HPSE2: variants seen among roughly 807,000 people sequenced by gnomAD.
The protein encoded by HPSE2 is heparanase 2 (inactive), also known as inactive heparanase-2.
HPSE2 carries 38 observed loss-of-function variants against 60.5 expected under a neutral mutation model. The ratio of observed to expected loss-of-function variants is 0.63; its 90% confidence interval spans 0.48 to 0.82. The LOEUF is 0.82. Among genes scored for constraint, HPSE2 ranks in the 40% least tolerant of loss-of-function variants. The pLI is 0.00. For missense variants in HPSE2, 713 were observed against 740.4 expected (o/e 0.96, Z 0.43); for synonymous variants, 295 against 293.2 (o/e 1.01, Z -0.06).
chr10:98,875,028 A>G (rs1381542802), intron 3 of HPSE2, among the ~76,000 whole-genome samples: 1 of 151,976 alleles, frequency 6.6e-6, no homozygotes, highest in African/African-American at 2.4e-5. Flanking sequence ...TTTATTGAGG[A>G]TTTTCACACT....
At chr10:99,134,722 A>G (rs1035812778) in intron 3 of HPSE2, among the ~76,000 whole-genome samples, 2 of 152,224 alleles carry the variant, frequency 1.3e-5, no homozygotes, top group African/African-American at 4.8e-5. Context: ...TGAAGGAAAC[A>G]CTAAATCTGG....
chr10:98,704,561 A>G (rs1948496808), intron 5 of HPSE2, among the ~76,000 whole-genome samples: 1 of 152,214 alleles, frequency 6.6e-6, no homozygotes, highest in Non-Finnish European at 1.5e-5. Context: ...CCCAAAACAG[A>G]CATAAAGACC....
intron 11 of HPSE2, among the ~76,000 whole-genome samples, chr10:98,466,892 A>G (rs17109945): frequency 0.083 from 12,700 of 152,248 alleles, 1,548 homozygotes; most frequent in African/African-American, 0.27. Context: ...CTGATCTTAG[A>G]ACATTGTCTG....
At chr10:98,972,230 T>G (rs1430255701) in intron 3 of HPSE2, among the ~76,000 whole-genome samples, 1 of 152,146 alleles carries the variant, frequency 6.6e-6, no homozygotes, top group Non-Finnish European at 1.5e-5. Flanking sequence ...TCATCTATTT[T>G]TCTTTTCTTG....
intron 7 of HPSE2, among the ~76,000 whole-genome samples, chr10:98,634,915 A>C (rs1279997141): frequency 1.3e-5 from 2 of 152,210 alleles, no homozygotes; most frequent in African/African-American, 4.8e-5. Context: ...TGTTAGCCTC[A>C]ATGTCACTTT....
chr10:98,788,464 G>A (rs1486892064), intron 3 of HPSE2, among the ~76,000 whole-genome samples: 1 of 134,692 alleles, frequency 7.4e-6, no homozygotes, highest in Admixed American at 7.5e-5. Context: ...GAGCTGTGGT[G>A]GGCTCCACCC....
chr10:98,686,186 C>T (rs1947911298), intron 6 of HPSE2, among the ~76,000 whole-genome samples: 1 of 152,044 alleles, frequency 6.6e-6, no homozygotes, highest in Non-Finnish European at 1.5e-5. Flanking sequence ...CTTCATTTTA[C>T]TTAGTTTGTG....
chr10:98,459,517 G>A lies in HPSE2; in HGVS notation c.*57C>T, dbSNP rs151176990. The A allele has an allele frequency of 3.3e-4, 508 of 1,561,416 alleles. 4 individuals are homozygous for A. The African/African-American group carries it at 6.1e-3, about 19-fold the overall frequency. ...TCTGAAAACAGAGGATACTACTGGAGTGGAGGAGTGGAAGCAGCCCAGCAG... is the reference window on the plus strand; with the variant it reads ...TCTGAAAACAGAGGATACTACTGGAATGGAGGAGTGGAAGCAGCCCAGCAG... On this transcript the variant is annotated 3_prime_UTR_variant, in exon 12 of 12. Transcript: ENST00000370552.
chr10:99,204,980 G>A (rs1848696492), intron 2 of HPSE2, among the ~76,000 whole-genome samples: 2 of 152,104 alleles, frequency 1.3e-5, no homozygotes, highest in African/African-American at 4.8e-5. Context: ...TATCCTAAGT[G>A]AACTAACTCA....
chr10:98,562,841 T>C (rs1351226924), intron 9 of HPSE2, among the ~76,000 whole-genome samples: 3 of 152,180 alleles, frequency 2.0e-5, no homozygotes, highest in African/African-American at 4.8e-5. Flanking sequence ...ACTTTTTTAT[T>C]CTTTTTTTAT....
At chr10:99,087,793 A>C (rs183687218) in intron 3 of HPSE2, among the ~76,000 whole-genome samples, 433 of 152,290 alleles carry the variant, frequency 2.8e-3, no homozygotes, top group Non-Finnish European at 5.0e-3. Context: ...ATAATTTTAA[A>C]AACAGGAAGT....
chr10:98,576,710 G>A (rs1277808404), intron 9 of HPSE2, among the ~76,000 whole-genome samples: 1 of 151,902 alleles, frequency 6.6e-6, no homozygotes, highest in Non-Finnish European at 1.5e-5. Context: ...CTTTGCTTCT[G>A]CTTTCTCCCC....
At chr10:98,468,200 C>T (rs749145604) in intron 11 of HPSE2, among the ~76,000 whole-genome samples, 32 of 152,160 alleles carry the variant, frequency 2.1e-4, no homozygotes, top group African/African-American at 2.2e-4. Context: ...GGTGGGGAGA[C>T]GGTGCATCTG....
chr10:98,802,620 T>C (rs1950941768), intron 3 of HPSE2, among the ~76,000 whole-genome samples: 1 of 151,756 alleles, frequency 6.6e-6, no homozygotes, highest in Admixed American at 6.6e-5. Flanking sequence ...GATTTCCAAT[T>C]TCATCCATGT....
chr10:98,754,104 A>G (rs1336704838), intron 3 of HPSE2, among the ~76,000 whole-genome samples: 1 of 152,202 alleles, frequency 6.6e-6, no homozygotes, highest in Non-Finnish European at 1.5e-5. Context: ...AAAATCTAAA[A>G]AATCCAATAA....
At chr10:98,994,581 G>C (rs1473755759) in intron 3 of HPSE2, among the ~76,000 whole-genome samples, 3 of 152,228 alleles carry the variant, frequency 2.0e-5, no homozygotes, top group African/African-American at 4.8e-5. Flanking sequence ...GATATGCATA[G>C]TAAAGCCCGG....
At chr10:99,281,379 A>G in the HPSE2 span, among the ~76,000 whole-genome samples, 3 of 150,944 alleles carry the variant, frequency 2.0e-5, no homozygotes, top group African/African-American at 7.3e-5. Context: ...TATCCAACTT[A>G]CTCTGCTACC....
chr10:99,266,854 T>A, the HPSE2 span, among the ~76,000 whole-genome samples: 2 of 152,110 alleles, frequency 1.3e-5, no homozygotes, highest in East Asian at 3.9e-4. Flanking sequence ...AGTACCAGCC[T>A]GAAGCCCGGC....
chr10:98,941,648 T>C (rs1184984446), intron 3 of HPSE2, among the ~76,000 whole-genome samples: 1 of 136,818 alleles, frequency 7.3e-6, no homozygotes, highest in Non-Finnish European at 1.5e-5. Flanking sequence ...AAAATGGCCA[T>C]ACTGCCCAAG....
Sources: gnomAD v4.1 joint callset for allele counts (sites outside exome capture counted in the v4.1 genomes callset) on GRCh38, gnomAD v4.1.1 for gene constraint, MANE v1.5 for transcripts, NCBI Gene and HGNC (gene_info 2026-07-23, HGNC 2026-07-21) for gene names.